MAN1A1: variants seen among roughly 807,000 people sequenced by gnomAD.
MAN1A1 encodes the protein mannosyl-oligosaccharide 1,2-alpha-mannosidase IA.
In MAN1A1, 29 loss-of-function variants were observed where a neutral mutation model predicts 70.8. That is an observed-to-expected ratio of 0.41 (90% confidence interval 0.31 to 0.56). The LOEUF is 0.56. MAN1A1 is among the 20% of genes least tolerant of loss of function. The probability of loss-of-function intolerance (pLI) is 0.29; values close to 1 mark genes in which losing one functional copy is unlikely to be tolerated. For synonymous variants in MAN1A1, 349 were observed against 330.1 expected (o/e 1.06, Z -0.62); for missense variants, 747 against 841.3 (o/e 0.89, Z 1.39).
intron 6 of MAN1A1, among the ~76,000 whole-genome samples, chr6:119,225,378 A>G (rs1340969037): frequency 6.6e-6 from 1 of 151,842 alleles, no homozygotes; most frequent in Non-Finnish European, 1.5e-5. Flanking sequence ...TGAGTGACAG[A>G]GTGAAACCTT....
intron 10 of MAN1A1, among the ~76,000 whole-genome samples, chr6:119,189,068 T>C (rs958328425): frequency 4.6e-5 from 7 of 152,212 alleles, no homozygotes; most frequent in African/African-American, 1.7e-4. Flanking sequence ...AATATTCATA[T>C]ACTTAAACAA....
At chr6:119,217,814 C>CCACATGCA (rs377420493) in intron 6 of MAN1A1, among the ~76,000 whole-genome samples, 17 of 152,292 alleles carry the variant, frequency 1.1e-4, no homozygotes, top group African/African-American at 4.1e-4. Flanking sequence ...TGTTATCCAT[C>CCACATGCA]CACATGCACA....
At chr6:119,345,889 C>A (rs182168946) in intron 2 of MAN1A1, among the ~76,000 whole-genome samples, 4 of 152,330 alleles carry the variant, frequency 2.6e-5, no homozygotes, top group Admixed American at 1.3e-4. Flanking sequence ...AGGTCGATCA[C>A]TTGAGGTCAA....
At chr6:119,190,183 C>T (rs1773404927) in intron 9 of MAN1A1, among the ~76,000 whole-genome samples, 1 of 152,210 alleles carries the variant, frequency 6.6e-6, no homozygotes, top group South Asian at 2.1e-4. Context: ...CAAAGACAGG[C>T]CACTGTGCAG....
chr6:119,293,450 G>A (rs9489675), intron 4 of MAN1A1, among the ~76,000 whole-genome samples: 57,395 of 151,868 alleles, frequency 0.38, 11,329 homozygotes, highest in Non-Finnish European at 0.41. Context: ...TGTTTAAGAA[G>A]CAAATCTGGT....
intron 2 of MAN1A1, among the ~76,000 whole-genome samples, chr6:119,346,059 T>TCACCC (rs199975165): frequency 0.013 from 2,043 of 152,124 alleles, 40 homozygotes; most frequent in African/African-American, 0.047. Flanking sequence ...TGAGCTGAGA[T>TCACCC]CACCCCACTG....
At chr6:119,218,629 C>G (rs1272803745) in intron 6 of MAN1A1, among the ~76,000 whole-genome samples, 1 of 151,674 alleles carries the variant, frequency 6.6e-6, no homozygotes, top group Non-Finnish European at 1.5e-5. Flanking sequence ...CATGTTGTCT[C>G]ATGTCTGCAT....
chr6:119,216,952 T>C (rs1390471649), intron 6 of MAN1A1, among the ~76,000 whole-genome samples: 1 of 152,218 alleles, frequency 6.6e-6, no homozygotes, highest in Non-Finnish European at 1.5e-5. Context: ...TTATTCAACA[T>C]TTTTCTTTTG....
intron 5 of MAN1A1, among the ~76,000 whole-genome samples, chr6:119,279,471 A>G (rs1432549954): frequency 6.6e-6 from 1 of 152,230 alleles, no homozygotes; most frequent in Non-Finnish European, 1.5e-5. Flanking sequence ...ATACGTTTAT[A>G]AGGATTGAGG....
intron 6 of MAN1A1, among the ~76,000 whole-genome samples, chr6:119,220,786 T>C (rs1368350951): frequency 6.6e-6 from 1 of 152,194 alleles, no homozygotes; most frequent in Non-Finnish European, 1.5e-5. Flanking sequence ...AATACTTCTA[T>C]ATAGGTTAGC....
At chr6:119,210,135 A>C (rs1774007003) in intron 6 of MAN1A1, among the ~76,000 whole-genome samples, 1 of 152,114 alleles carries the variant, frequency 6.6e-6, no homozygotes, top group South Asian at 2.1e-4. Context: ...GCTGTGCGGG[A>C]AGACGGGGGT....
At chr6:119,183,440 G>A (rs1009608007) in intron 11 of MAN1A1, among the ~76,000 whole-genome samples, 1 of 151,410 alleles carries the variant, frequency 6.6e-6, no homozygotes, top group African/African-American at 2.4e-5. Context: ...TACCAGATAT[G>A]TAGAATAAGC....
intron 2 of MAN1A1, among the ~76,000 whole-genome samples, chr6:119,337,902 T>G (rs1208853536): frequency 6.6e-6 from 1 of 152,140 alleles, no homozygotes; most frequent in Non-Finnish European, 1.5e-5. Flanking sequence ...AAAATACGTT[T>G]TTTACTACAT....
chr6:119,275,337 C>T lies in MAN1A1; in HGVS notation c.897+15346G>A, dbSNP rs1287726896. 1.4e-3 allele frequency among the ~76,000 whole-genome samples: 134 copies of T among 93,536 alleles called. 1 individual carries two copies. Among genetic ancestry groups the T allele is most frequent in the African/African-American group, 5.3e-3 (132 of 24,938 alleles). 61.4% of individuals were successfully genotyped at this position (93,536 alleles called of 152,430 possible). A position where few individuals can be genotyped will look rare whatever the true frequency, so the allele number is the denominator to read the frequency against. ...TTTTTTTTTTTTTGAGACGGAGTCT[C>T]GCTCTGTCGCCCAGGCTGGAGTGCA... On this transcript the variant is annotated intron_variant, in intron 5 of 12. Transcript: ENST00000368468.
Position 119,349,199 on chromosome 6 carries a change from C to T in MAN1A1, c.-134G>A, listed in dbSNP as rs1487757609. The T allele has an allele frequency of 8.2e-7, 1 of 1,220,804 alleles. No individual in the cohort carries two copies. The highest frequency in any genetic ancestry group is 1.6e-5 in the African/African-American group (1 of 63,684). 75.6% of individuals were successfully genotyped at this position (1,220,804 alleles called of 1,614,324 possible). On this transcript the variant is annotated 5_prime_UTR_variant, in exon 2 of 13. Transcript: ENST00000368468. Reference sequence around the variant, plus strand: ...CCCCCTCGGCTGGGCTGCGGATCCTCCCTGGGGGAACAACTCCGCGCCGGG... The same window carrying T: ...CCCCCTCGGCTGGGCTGCGGATCCTTCCTGGGGGAACAACTCCGCGCCGGG...
intron 2 of MAN1A1, among the ~76,000 whole-genome samples, chr6:119,326,068 T>C (rs1773138996): frequency 6.6e-6 from 1 of 151,242 alleles, no homozygotes. Context: ...CCGAGGGGAG[T>C]GGGTGGATGA....
chr6:119,183,921 A>T (rs1773218856), intron 11 of MAN1A1, among the ~76,000 whole-genome samples: 1 of 152,138 alleles, frequency 6.6e-6, no homozygotes, highest in African/African-American at 2.4e-5. Flanking sequence ...AACAAAATGA[A>T]GAAATGCTTA....
In MAN1A1 at chr6:119,177,996, C is replaced by T. The variant is rs1773048839; in HGVS notation, c.*1823G>A. ...CCTGGGAACAAAGGGCTCTTGCTAT[C>T]CATTCATTTCATTAGGTGAACTGAA... is the stretch of plus-strand genomic sequence containing the variant. On this transcript the variant is annotated 3_prime_UTR_variant, in exon 13 of 13. Coordinates refer to ENST00000368468, the MANE Select transcript of MAN1A1 (RefSeq NM_005907.4). The T allele has an allele frequency of 6.6e-6, 1 of 152,064 alleles. No homozygotes were observed. The highest frequency in any genetic ancestry group is 1.5e-5 in the Non-Finnish European group (1 of 67,934). The allele number at this position is 152,064 out of a possible 1,614,324, so 9.4% of individuals were successfully genotyped here.
chr6:119,241,930 ATGTGTGTGTGTGTATG>A (rs1775017401), intron 6 of MAN1A1, among the ~76,000 whole-genome samples: 1 of 137,456 alleles, frequency 7.3e-6, no homozygotes, highest in Non-Finnish European at 1.6e-5. Context: ...GTGTTTGTGT[ATGTGTGTGTGTGTATG>A]TATGTGTGTG....
Sources: gnomAD v4.1 joint callset for allele counts (sites outside exome capture counted in the v4.1 genomes callset) on GRCh38, gnomAD v4.1.1 for gene constraint, MANE v1.5 for transcripts, NCBI Gene and HGNC (gene_info 2026-07-23, HGNC 2026-07-21) for gene names.